RABL6: variants seen among roughly 807,000 people sequenced by gnomAD.
RABL6 encodes the protein RAB, member RAS oncogene family like 6.
Under a neutral mutation model 72.9 loss-of-function variants are expected in RABL6, and 28 were observed. That is an observed-to-expected ratio of 0.38 (90% CI 0.28 to 0.53). The LOEUF (loss-of-function observed/expected upper bound fraction) is 0.53, where lower values mean the gene tolerates loss of function less well. Among genes scored for constraint, RABL6 ranks in the 20% least tolerant of loss-of-function variants. RABL6 has a pLI of 0.80. For missense variants in RABL6, 1,029 were observed against 1,008.4 expected (o/e 1.02, Z -0.28); for synonymous variants, 477 against 421.2 (o/e 1.13, Z -1.62).
At chr9:136,829,246 A>C in intron 4 of RABL6, 147 bp from the exon 5 acceptor site, 1 of 669,144 alleles carries the variant, frequency 1.5e-6, no homozygotes, top group Non-Finnish European at 2.6e-6. Context: ...ATGTTTAGCT[A>C]TCCCATCTCT....
chr9:136,822,802 G>C (rs1200966338), intron 1 of RABL6, among the ~76,000 whole-genome samples: 1 of 152,234 alleles, frequency 6.6e-6, no homozygotes, highest in Non-Finnish European at 1.5e-5. Flanking sequence ...GTGCACTGAA[G>C]ACGCCAGGGC....
intron 8 of RABL6, chr9:136,837,132 C>T: frequency 1.4e-6 from 1 of 698,514 alleles, no homozygotes; most frequent in South Asian, 1.5e-5. Flanking sequence ...GCCTTGGCCT[C>T]CTACAGTGCT....
rs1285522619 is a variant in RABL6, at chr9:136,818,312, G to A, written c.131-5213G>A. On this transcript the variant is annotated intron_variant, in intron 1 of 14. Transcript: ENST00000311502. ...CAGGAGACGGAGCTTGCAGTGAGCC[G>A]AGATCCCACCACTGCACTCCAGCCT... Among the ~76,000 whole-genome samples the A allele has an allele frequency of 3.1e-5, 4 of 130,554 alleles. No individual in the cohort carries two copies. In the East Asian group the frequency reaches 7.0e-4, roughly 23 times the overall value. 85.6% of individuals were successfully genotyped at this position (130,554 alleles called of 152,430 possible). A position where few individuals can be genotyped will look rare whatever the true frequency, so the allele number is the denominator to read the frequency against.
At chr9:136,821,630 G>A in intron 1 of RABL6, 2 of 988,488 alleles carry the variant, frequency 2.0e-6, no homozygotes. Context: ...CGGGCCGGAG[G>A]AGGGAGGGCG....
chr9:136,827,810 C>T (rs1398520969), intron 3 of RABL6: 1 of 152,300 alleles, frequency 6.6e-6, no homozygotes, highest in Admixed American at 6.5e-5. Flanking sequence ...CAGTCCGTGA[C>T]TCCAAGACTG....
In RABL6 at chr9:136,840,731, G is replaced by A. The variant is rs45617035; in HGVS notation, c.*209G>A. 1,265 of 1,548,570 alleles carry A rather than the reference G, an allele frequency of 8.2e-4. 2 individuals are homozygous for A. The highest frequency in any genetic ancestry group is 4.8e-3 in the Middle Eastern group (22 of 4,592). On this transcript the variant is annotated 3_prime_UTR_variant, in exon 15 of 15. Coordinates refer to ENST00000311502, the MANE Select transcript of RABL6 (RefSeq NM_024718.5). Reference sequence around the variant, plus strand: ...AGTGTGAGCCTGCTCTGCAAGAAGGGAGGGGACAGCTGGCTTCAGCCAGGC... The same window carrying A: ...AGTGTGAGCCTGCTCTGCAAGAAGGAAGGGGACAGCTGGCTTCAGCCAGGC...
chr9:136,840,659 TTGG>T lies in RABL6; in HGVS notation c.*142_*144del. 1 of 1,549,434 alleles carries T rather than the reference TTGG, an allele frequency of 6.5e-7. No individual in the cohort carries two copies. Among genetic ancestry groups the T allele is most frequent in the South Asian group, 1.2e-5 (1 of 84,024 alleles). On this transcript the variant is annotated 3_prime_UTR_variant, in exon 15 of 15. Coordinates refer to ENST00000311502, the MANE Select transcript of RABL6 (RefSeq NM_024718.5). ...CTTCTGAGCTGGAAGAGGCCGGGCA[TTGG>T]TGGTCCCCAGGCTGGGCCCTGCAGG...
At chr9:136,823,698 G>T in intron 2 of RABL6, 39 bp downstream of exon 2, 1 of 1,562,370 alleles carries the variant, frequency 6.4e-7, no homozygotes, top group Non-Finnish European at 8.7e-7. Flanking sequence ...CGGGCTCCAG[G>T]CTTCTCCTCC....
chr9:136,824,393 A>AGATCTC (rs969356482), intron 2 of RABL6, among the ~76,000 whole-genome samples: 6 of 109,756 alleles, frequency 5.5e-5, no homozygotes, highest in South Asian at 3.1e-4. Flanking sequence ...TGCAGTGGTG[A>AGATCTC]GATCTCGGCT....
rs1197509916 is a variant in RABL6 at position 136,838,003 on chromosome 9, A to C, written c.1268A>C (p.Gln423Pro). Reference protein sequence around the residue: ...EKKVGAKAAQQDSDSDGEALG... With the variant: ...EKKVGAKAAQPDSDSDGEALG... ...AAGGTGGGGGCCAAGGCTGCCCAGCAGGACAGCGACAGGTGAGGGGTGGGC... is the reference window on the plus strand; with the variant it reads ...AAGGTGGGGGCCAAGGCTGCCCAGCCGGACAGCGACAGGTGAGGGGTGGGC... The change falls in exon 10 of 15, where the codon CAG becomes CCG. Residue 423 changes from glutamine to proline, a missense_variant. Transcript: ENST00000311502. 1.3e-6 allele frequency: 2 copies of C among 1,564,172 alleles called. No homozygotes were observed. Among genetic ancestry groups the C allele is most frequent in the East Asian group, 2.4e-5 (1 of 41,888 alleles).
chr9:136,839,775 C>T lies in RABL6; in HGVS notation c.1840C>T (p.Leu614Phe). ...TGCCGAGCCGCCCCCACCCCCCAAG[C>T]TCCCTCTCCCCGCCTTCAGACTGAA... is the stretch of plus-strand genomic sequence containing the variant. The part of the protein sequence containing the change: ...GPAEPPPPPK[L>F]PLPAFRLKND... The change falls in exon 13 of 15, where the codon CTC becomes TTC. Residue 614 changes from leucine (L) to phenylalanine (F), a missense_variant. By Grantham distance (22) the Leu-to-Phe change is conservative. This residue lies in a region of RABL6 where 595 missense variants were observed against 472.4 expected (regional missense o/e 1.26). Transcript: ENST00000311502. 6.2e-7 allele frequency: 1 copy of T among 1,612,792 alleles called. No individual in the cohort carries two copies. The highest frequency in any genetic ancestry group is 8.5e-7 in the Non-Finnish European group (1 of 1,179,776).
At position 136,828,579 on chromosome 9, in the gene RABL6, C is replaced by T. The variant is rs1848406386; in HGVS notation, c.366+33C>T. On this transcript the variant is annotated intron_variant, in intron 4 of 14. Coordinates refer to ENST00000311502, the MANE Select transcript of RABL6 (RefSeq NM_024718.5). ...CCAGGTACACAGTGGGTAGCAGTGG[C>T]TCAGGGCCCCGGGGTGCGTGAGCCG... 3.1e-6 allele frequency: 5 copies of T among 1,607,684 alleles called. No individual in the cohort carries two copies. In the South Asian group the frequency reaches 3.3e-5, roughly 11 times the overall value.
rs1346760724 is a variant in RABL6 at position 136,832,602 on chromosome 9, G to GA, written c.705+233dup. On this transcript the variant is annotated intron_variant, in intron 7 of 14. Transcript: ENST00000311502. ...CCAGGAGCCCCTCCACCTCTGCGGGGACCCCTTGCTCAGTTTCCCCCAGTG... is the reference window on the plus strand; with the variant it reads ...CCAGGAGCCCCTCCACCTCTGCGGGGAACCCCTTGCTCAGTTTCCCCCAGTG... 5.1e-6 allele frequency: 3 copies of GA among 590,748 alleles called. No individual in the cohort carries two copies. In the African/African-American group the frequency reaches 5.6e-5, roughly 11 times the overall value. 36.6% of individuals were successfully genotyped at this position (590,748 alleles called of 1,614,324 possible).
At chr9:136,822,197 G>GC (rs1359139137) in intron 1 of RABL6, 2 of 907,368 alleles carry the variant, frequency 2.2e-6, no homozygotes, top group South Asian at 3.3e-5. Context: ...GAAAACCTGG[G>GC]GGGGGCGTTG....
Position 136,824,326 on chromosome 9 carries a change from G to GTT in RABL6, c.265+690_265+691dup, listed in dbSNP as rs34760204. Reference sequence around the variant, plus strand: ...TTCGTTTGTTTTTTGGTTTGGTTGGGTTTTTTTTTTTTTTTTTTTTTTTTG... The same window carrying GTT: ...TTCGTTTGTTTTTTGGTTTGGTTGGGTTTTTTTTTTTTTTTTTTTTTTTTTTG... On this transcript the variant is annotated intron_variant, in intron 2 of 14. Coordinates refer to ENST00000311502, the MANE Select transcript of RABL6 (RefSeq NM_024718.5). 7.3e-3 allele frequency among the ~76,000 whole-genome samples: 551 copies of GTT among 74,982 alleles called. 2 individuals are homozygous for GTT. Among genetic ancestry groups the GTT allele is most frequent in the African/African-American group, 0.011 (220 of 19,144 alleles). 49.2% of individuals were successfully genotyped at this position (74,982 alleles called of 152,430 possible).
chr9:136,839,839 C>G lies in RABL6; in HGVS notation c.1904C>G (p.Ala635Gly). The G allele has an allele frequency of 6.2e-7, 1 of 1,612,510 alleles. No individual in the cohort carries two copies. Reference sequence around the variant, plus strand: ...CTCTTCGGGCTGGGGCTGGAGGAGGCCGGACCCAAGGAGAGCAGTGAGGAA... The same window carrying G: ...CTCTTCGGGCTGGGGCTGGAGGAGGGCGGACCCAAGGAGAGCAGTGAGGAA... Reference protein sequence around the residue: ...SDLFGLGLEEAGPKESSEEGK... With the variant: ...SDLFGLGLEEGGPKESSEEGK... The change falls in exon 13 of 15, where the codon GCC (alanine) becomes GGC (glycine). Residue 635 changes from alanine (A) to glycine (G), a missense_variant. Physicochemically the swap from Ala to Gly is moderately conservative, Grantham distance 60 (BLOSUM62 0). Coordinates refer to ENST00000311502, the MANE Select transcript of RABL6 (RefSeq NM_024718.5).
intron 1 of RABL6, chr9:136,813,918 C>T (rs1443227661): frequency 3.1e-6 from 1 of 326,982 alleles, no homozygotes; most frequent in East Asian, 1.1e-4. Context: ...CCACTGCGCC[C>T]AGCCAAAACA....
intron 1 of RABL6, chr9:136,808,811 G>C (rs1007266302): frequency 1.3e-5 from 2 of 149,348 alleles, no homozygotes; most frequent in Non-Finnish European, 3.0e-5. Context: ...TTTGAAGACA[G>C]AATATTAGCT....
At position 136,808,196 on chromosome 9, in the gene RABL6, G is replaced by C; in HGVS notation, c.-1G>C. The C allele has an allele frequency of 6.5e-7, 1 of 1,529,158 alleles. No homozygotes were observed. Among genetic ancestry groups the C allele is most frequent in the East Asian group, 2.7e-5 (1 of 36,800 alleles). 94.7% of individuals were successfully genotyped at this position (1,529,158 alleles called of 1,614,324 possible). On this transcript the variant is annotated 5_prime_UTR_variant, in exon 1 of 15. Coordinates refer to ENST00000311502, the MANE Select transcript of RABL6 (RefSeq NM_024718.5). The stretch of plus-strand genomic sequence containing the variant: ...CCGGGCTGGGACGTCCGAGCGGGAA[G>C]ATGTTTTCCGCCCTGAAGAAGCTGG...
Sources: allele counts gnomAD v4.1 joint callset (sites outside exome capture counted in the v4.1 genomes callset), GRCh38; gene constraint gnomAD v4.1.1; regional missense constraint gnomAD v4.1.1; transcripts MANE v1.5; gene names NCBI Gene and HGNC (gene_info 2026-07-23, HGNC 2026-07-21).